GRIK1: variants seen among roughly 807,000 people sequenced by gnomAD.
GRIK1 encodes the protein glutamate ionotropic receptor kainate type subunit 1.
A neutral mutation model predicts 105.7 loss-of-function variants in GRIK1; 69 were observed. The ratio of observed to expected loss-of-function variants is 0.65; its 90% CI spans 0.54 to 0.80. The LOEUF (loss-of-function observed/expected upper bound fraction) is 0.80. GRIK1 is among the 30% of genes least tolerant of loss of function. The pLI, the probability that GRIK1 is intolerant of heterozygous loss-of-function variation, is 0.00. For synonymous variants in GRIK1, 438 were observed against 431.3 expected (o/e 1.02, Z -0.19); for missense variants, 1,109 against 1,167.3 (o/e 0.95, Z 0.73).
intron 1 of GRIK1, among the ~76,000 whole-genome samples, chr21:29,712,079 TACATAC>T (rs1163330321): frequency 6.6e-5 from 2 of 30,292 alleles, no homozygotes; most frequent in African/African-American, 1.5e-4. Flanking sequence ...TATGTATACA[TACATAC>T]ACACACACAC....
chr21:29,887,788 CAGG>C (rs1178273131), intron 1 of GRIK1, among the ~76,000 whole-genome samples: 1 of 151,922 alleles, frequency 6.6e-6, no homozygotes, highest in Non-Finnish European at 1.5e-5. Context: ...ATGTTCACAG[CAGG>C]AGAAGGGGAA....
intron 14 of GRIK1, among the ~76,000 whole-genome samples, chr21:29,567,822 C>T (rs2090646321): frequency 6.6e-6 from 1 of 152,160 alleles, no homozygotes; most frequent in African/African-American, 2.4e-5. Context: ...AATAAATTCT[C>T]ATGCTATTTT....
intron 7 of GRIK1, among the ~76,000 whole-genome samples, chr21:29,606,989 C>T (rs1020659613): frequency 6.6e-6 from 1 of 152,144 alleles, no homozygotes; most frequent in African/African-American, 2.4e-5. Context: ...TTTGTGTCTC[C>T]TCGTTTGGGT....
chr21:29,616,780 G>GA lies in GRIK1; in HGVS notation c.1099-17844dup, dbSNP rs536313783. Among the ~76,000 whole-genome samples, 257 of 152,106 alleles carry GA rather than the reference G, an allele frequency of 1.7e-3. 8 individuals carry two copies. The South Asian group carries it at 0.041, about 24-fold the overall frequency. Reference sequence around the variant, plus strand: ...AACAATATTCACAAACTGTGAGTGAGAAAAAAAACTGCTTGATGCCATACT... The same window carrying GA: ...AACAATATTCACAAACTGTGAGTGAGAAAAAAAAACTGCTTGATGCCATACT... On this transcript the variant is annotated intron_variant, in intron 7 of 17. Coordinates refer to ENST00000327783, the MANE Select transcript of GRIK1 (RefSeq NM_001330994.2).
At position 29,692,299 on chromosome 21, in the gene GRIK1, C is replaced by T. The variant is rs112868995; in HGVS notation, c.286+1597G>A. Among the ~76,000 whole-genome samples, 793 of 152,210 alleles carry T rather than the reference C, an allele frequency of 5.2e-3. 3 individuals carry two copies. The highest frequency in any genetic ancestry group is 0.018 in the African/African-American group (755 of 41,520). ...TTGGCTTTCTACAGTATTTGCTCCA[C>T]AATGTGTAGGAGTGTTAGTGTCTGT... On this transcript the variant is annotated intron_variant, in intron 2 of 17. Transcript: ENST00000327783.
chr21:29,638,133 C>G (rs879370974), intron 7 of GRIK1, among the ~76,000 whole-genome samples: 1 of 151,770 alleles, frequency 6.6e-6, no homozygotes, highest in Non-Finnish European at 1.5e-5. Flanking sequence ...TTTTCCTGAC[C>G]ACTACCTTAC....
intron 1 of GRIK1, among the ~76,000 whole-genome samples, chr21:29,925,075 C>A (rs901484195): frequency 4.6e-5 from 7 of 152,320 alleles, no homozygotes; most frequent in African/African-American, 1.7e-4. Context: ...TAGAAGTGTT[C>A]TTATTACTAC....
At position 29,824,334 on chromosome 21, in the gene GRIK1, G is replaced by A. The variant is rs748588362; in HGVS notation, c.118+115049C>T. On this transcript the variant is annotated intron_variant, in intron 1 of 17. Coordinates refer to ENST00000327783, the MANE Select transcript of GRIK1 (RefSeq NM_001330994.2). ...TTTTGTGAGTGTCTCCCACACCTCC[G>A]GCACTGTTTCACATTCAGGGGTTAT... 3.8e-4 allele frequency among the ~76,000 whole-genome samples: 57 copies of A among 151,828 alleles called. 1 individual carries two copies. The highest frequency in any genetic ancestry group is 2.2e-3 in the Admixed American group (33 of 15,216).
intron 3 of GRIK1, among the ~76,000 whole-genome samples, chr21:29,686,609 A>G (rs187161298): frequency 1.6e-4 from 24 of 152,362 alleles, no homozygotes; most frequent in Non-Finnish European, 3.4e-4. Flanking sequence ...ATAAAGGTTT[A>G]TTGGAACACA....
intron 4 of GRIK1, among the ~76,000 whole-genome samples, chr21:29,662,817 C>T (rs573225529): frequency 4.6e-5 from 7 of 152,008 alleles, no homozygotes; most frequent in Non-Finnish European, 1.0e-4. Flanking sequence ...ATTAGAACCA[C>T]CAAGAAACTT....
At chr21:29,777,859 T>G (rs1415562762) in intron 1 of GRIK1, among the ~76,000 whole-genome samples, 3 of 151,942 alleles carry the variant, frequency 2.0e-5, no homozygotes, top group Non-Finnish European at 2.9e-5. Context: ...ACTAATTGAG[T>G]GGCAATGGGT....
intron 13 of GRIK1, 40 bp from the exon 14 acceptor site, chr21:29,577,221 C>A: frequency 8.7e-7 from 1 of 1,149,002 alleles, no homozygotes; most frequent in South Asian, 1.2e-5. Context: ...TAAACACAGT[C>A]AGAAGGAAAG....
intron 3 of GRIK1, among the ~76,000 whole-genome samples, chr21:29,679,784 T>C (rs1159661564): frequency 6.6e-6 from 1 of 152,194 alleles, no homozygotes; most frequent in Admixed American, 6.5e-5. Flanking sequence ...GATCTACAGG[T>C]ATGAATTAAA....
In GRIK1 at chr21:29,587,404, GGCTAA is replaced by G. The variant is rs758740010; in HGVS notation, c.1750_1754del (p.Ala585LeufsTer20). 6.2e-7 allele frequency: 1 copy of G among 1,613,512 alleles called. No individual in the cohort carries two copies. The highest frequency in any genetic ancestry group is 8.5e-7 in the Non-Finnish European group (1 of 1,179,598). ...AGAGTACACAGCTGACTCCCAAGCA[GGCTAA>G]GAGCACATACATCCAAATATCTGGA... On this transcript the variant is annotated frameshift_variant, in exon 12 of 18. Transcript: ENST00000327783. LOFTEE classifies it high-confidence loss of function.
chr21:29,635,562 A>G lies in GRIK1; in HGVS notation c.1098+7264T>C, dbSNP rs1601334994. ...CCAGTGACTGATATAAATGTGAGAA[A>G]GGCAAAGTGGACTACAGACTGTGAT... On this transcript the variant is annotated intron_variant, in intron 7 of 17. Coordinates refer to ENST00000327783, the MANE Select transcript of GRIK1 (RefSeq NM_001330994.2). Among the ~76,000 whole-genome samples, 4 of 152,302 alleles carry G rather than the reference A, an allele frequency of 2.6e-5. No individual in the cohort carries two copies. The South Asian group carries it at 8.3e-4, about 32-fold the overall frequency.
Position 29,537,231 on chromosome 21 carries a change from C to A in GRIK1, c.2849G>T (p.Ter950LeuextTer49). 1 of 1,591,342 alleles carries A rather than the reference C, an allele frequency of 6.3e-7. No homozygotes were observed. The highest frequency in any genetic ancestry group is 8.5e-7 in the Non-Finnish European group (1 of 1,171,882). ...RRTQRKETVA[*>L] is the part of the protein sequence containing the mutation. ...TCTTCCTACAGGCGTTTCCTTGGAT[C>A]ACGCCACAGTCTCTTTTCTCTGAGT... The change falls in exon 18 of 18, where the codon TGA becomes TTA. Residue 950 changes from the stop codon to leucine, a stop_lost. Transcript: ENST00000327783.
intron 1 of GRIK1, among the ~76,000 whole-genome samples, chr21:29,787,281 A>C (rs2145805150): frequency 6.6e-6 from 1 of 152,294 alleles, no homozygotes; most frequent in South Asian, 2.1e-4. Context: ...ATTTGCTCTT[A>C]TCATTTAAAG....
At chr21:29,547,935 C>T (rs560727273) in intron 16 of GRIK1, among the ~76,000 whole-genome samples, 3 of 152,256 alleles carry the variant, frequency 2.0e-5, no homozygotes, top group African/African-American at 7.2e-5. Flanking sequence ...TATCAAATGA[C>T]AGTAATTTCT....
chr21:29,715,161 A>G (rs1287841399), intron 1 of GRIK1, among the ~76,000 whole-genome samples: 1 of 152,176 alleles, frequency 6.6e-6, no homozygotes, highest in East Asian at 1.9e-4. Context: ...TTGTTCAGGA[A>G]TGTGTGTGAG....
Sources: gnomAD v4.1 joint callset for allele counts (sites outside exome capture counted in the v4.1 genomes callset) on GRCh38, gnomAD v4.1.1 for gene constraint, MANE v1.5 for transcripts, NCBI Gene and HGNC (gene_info 2026-07-23, HGNC 2026-07-21) for gene names.